BPTF: variants seen among roughly 807,000 people sequenced by gnomAD.
BPTF encodes the protein bromodomain PHD finger transcription factor.
In BPTF, 18 loss-of-function variants were observed where a neutral mutation model predicts 292.5. The observed-to-expected ratio is 0.06, with a 90% confidence interval of 0.04 to 0.09. BPTF has a LOEUF of 0.09. BPTF is among the 10% of genes least tolerant of loss of function. The pLI is 1.00. For synonymous variants in BPTF, 1,225 were observed against 1,251.9 expected (o/e 0.98, Z 0.45); for missense variants, 2,726 against 3,498.7 (o/e 0.78, Z 5.57).
intron 11 of BPTF, among the ~76,000 whole-genome samples, chr17:67,917,965 C>T (rs2147113415): frequency 6.6e-6 from 1 of 152,284 alleles, no homozygotes; most frequent in South Asian, 2.1e-4. Flanking sequence ...GCACCCACCA[C>T]CGCGCCTGGC....
intron 4 of BPTF, chr17:67,875,459 T>C: frequency 1.0e-6 from 1 of 953,490 alleles, no homozygotes; most frequent in South Asian, 3.3e-5. Flanking sequence ...TGGAAGCAGG[T>C]TTTTTGTGAT....
At chr17:67,917,427 T>G (rs1047939685) in intron 11 of BPTF, among the ~76,000 whole-genome samples, 1 of 152,006 alleles carries the variant, frequency 6.6e-6, no homozygotes, top group African/African-American at 2.4e-5. Context: ...CCAGCTGATA[T>G]TGTCCTTTTT....
intron 18 of BPTF, among the ~76,000 whole-genome samples, chr17:67,938,626 G>T (rs186296364): frequency 6.6e-6 from 1 of 152,146 alleles, no homozygotes. Context: ...ATAGTTTGGG[G>T]GGAAAATAGA....
intron 1 of BPTF, among the ~76,000 whole-genome samples, chr17:67,849,929 A>G (rs1434100768): frequency 6.6e-6 from 1 of 152,096 alleles, no homozygotes; most frequent in African/African-American, 2.4e-5. Context: ...CAACAGAGCA[A>G]GACTCCATCT....
intron 11 of BPTF, among the ~76,000 whole-genome samples, chr17:67,915,354 G>GGT (rs1054682002): frequency 6.6e-6 from 1 of 152,120 alleles, no homozygotes; most frequent in African/African-American, 2.4e-5. Flanking sequence ...TAAGGGACTT[G>GGT]GTAACTACTG....
At chr17:67,930,457 C>T (rs570511525) in intron 17 of BPTF, among the ~76,000 whole-genome samples, 81 of 152,032 alleles carry the variant, frequency 5.3e-4, no homozygotes, top group Middle Eastern at 3.4e-3. Context: ...TCTCGGCCTC[C>T]CAAAGTGCTG....
intron 3 of BPTF, among the ~76,000 whole-genome samples, chr17:67,870,585 A>G (rs1253295722): frequency 6.6e-6 from 1 of 152,094 alleles, no homozygotes; most frequent in Non-Finnish European, 1.5e-5. Context: ...GTCCAGGTAA[A>G]TACCCAAAAT....
chr17:67,850,755 A>G (rs996392611), intron 1 of BPTF, among the ~76,000 whole-genome samples: 1 of 152,210 alleles, frequency 6.6e-6, no homozygotes, highest in African/African-American at 2.4e-5. Flanking sequence ...TCCAATGAAT[A>G]AGCCACAATT....
intron 26 of BPTF, among the ~76,000 whole-genome samples, chr17:67,970,688 A>G (rs1476509030): frequency 6.6e-6 from 1 of 152,244 alleles, no homozygotes; most frequent in Non-Finnish European, 1.5e-5. Flanking sequence ...AGCAACTTTT[A>G]TATTCTTAAA....
At chr17:67,906,726 A>G (rs762455285) in intron 9 of BPTF, among the ~76,000 whole-genome samples, 2 of 151,974 alleles carry the variant, frequency 1.3e-5, no homozygotes, top group African/African-American at 2.4e-5. Context: ...TATATTTTTT[A>G]TATCTATTTT....
intron 1 of BPTF, among the ~76,000 whole-genome samples, chr17:67,829,054 C>CT (rs1449498912): frequency 6.6e-6 from 1 of 152,000 alleles, no homozygotes; most frequent in Non-Finnish European, 1.5e-5. Context: ...GTCATAATCT[C>CT]TAAATACTTT....
chr17:67,921,229 A>G (rs961468313), intron 13 of BPTF, among the ~76,000 whole-genome samples: 3 of 150,354 alleles, frequency 2.0e-5, no homozygotes, highest in African/African-American at 7.3e-5. Flanking sequence ...AAAAAAAAAA[A>G]AAAAAAGAAA....
chr17:67,861,580 T>A (rs2059088131), intron 2 of BPTF, among the ~76,000 whole-genome samples: 3 of 152,158 alleles, frequency 2.0e-5, no homozygotes, highest in Admixed American at 6.5e-5. Flanking sequence ...CCTCCAAATG[T>A]GCTGGGATTA....
At chr17:67,847,524 A>T (rs1301234416) in intron 1 of BPTF, among the ~76,000 whole-genome samples, 1 of 151,586 alleles carries the variant, frequency 6.6e-6, no homozygotes, top group Non-Finnish European at 1.5e-5. Context: ...AAAAAAAAAA[A>T]AAATTATCCG....
chr17:67,948,013 A>G, intron 22 of BPTF, 68 bp from the exon 23 acceptor site: 1 of 1,469,176 alleles, frequency 6.8e-7, no homozygotes, highest in Non-Finnish European at 9.4e-7. Context: ...AGAGGCATAG[A>G]AGAATGATGT....
At chr17:67,906,120 T>C (rs2062175489) in intron 9 of BPTF, among the ~76,000 whole-genome samples, 1 of 152,102 alleles carries the variant, frequency 6.6e-6, no homozygotes, top group African/African-American at 2.4e-5. Context: ...TCTTGCTCTG[T>C]CACCAGGCTG....
intron 4 of BPTF, chr17:67,886,038 TAATGA>T: frequency 1.0e-6 from 1 of 1,000,742 alleles, no homozygotes; most frequent in Non-Finnish European, 1.5e-6. Flanking sequence ...TACAGCTTCT[TAATGA>T]AATCCTAAAA....
intron 11 of BPTF, among the ~76,000 whole-genome samples, chr17:67,918,120 G>A (rs2063176241): frequency 6.6e-6 from 1 of 151,034 alleles, no homozygotes; most frequent in Non-Finnish European, 1.5e-5. Context: ...ATTTTTAATA[G>A]AGATGGGGTT....
chr17:67,839,343 A>AAT (rs1297578610), intron 1 of BPTF, among the ~76,000 whole-genome samples: 1 of 152,162 alleles, frequency 6.6e-6, no homozygotes, highest in African/African-American at 2.4e-5. Context: ...TTTAAAAAAA[A>AAT]ATCAGCTATG....
Sources: allele counts gnomAD v4.1 joint callset (sites outside exome capture counted in the v4.1 genomes callset), GRCh38; gene constraint gnomAD v4.1.1; transcripts MANE v1.5; gene names NCBI Gene and HGNC (gene_info 2026-07-23, HGNC 2026-07-21).